MGAT3: variants seen among roughly 807,000 people sequenced by gnomAD.
MGAT3 encodes the protein GlcNAc-T III.
MGAT3 carries 9 observed loss-of-function variants against 29.8 expected under a neutral mutation model. The observed-to-expected ratio is 0.30, with a 90% CI of 0.18 to 0.53. MGAT3 has a LOEUF of 0.53. MGAT3 is among the 20% of genes least tolerant of loss of function. The pLI is 0.96. For synonymous variants in MGAT3, 397 were observed against 348.9 expected, an observed-to-expected ratio of 1.14 and a Z score of -1.54; for missense variants, 557 against 769.5, an observed-to-expected ratio of 0.72 and a Z score of 3.27.
At chr22:39,464,160 C>T (rs1255117940) in intron 1 of MGAT3, among the ~76,000 whole-genome samples, 1 of 152,236 alleles carries the variant, frequency 6.6e-6, no homozygotes, top group East Asian at 1.9e-4. Context: ...CACTTGCTGC[C>T]TCTGCCTCTT....
chr22:39,468,843 A>G (rs1928728446), intron 1 of MGAT3, among the ~76,000 whole-genome samples: 1 of 151,910 alleles, frequency 6.6e-6, no homozygotes, highest in South Asian at 2.1e-4. Flanking sequence ...GGAGGCCTGG[A>G]GAAGTGCAGC....
intron 1 of MGAT3, among the ~76,000 whole-genome samples, chr22:39,485,610 G>T (rs749636596): frequency 6.6e-6 from 1 of 152,154 alleles, no homozygotes; most frequent in Non-Finnish European, 1.5e-5. Flanking sequence ...AGCCAACATG[G>T]CGAAACCCCA....
chr22:39,476,618 C>G (rs934933537), intron 1 of MGAT3: 1 of 152,116 alleles, frequency 6.6e-6, no homozygotes, highest in Non-Finnish European at 1.5e-5. Context: ...CCAGGCCCTC[C>G]CTCGCCCAGG....
At chr22:39,486,050 C>T (rs764985061) in intron 1 of MGAT3, 1 of 327,770 alleles carries the variant, frequency 3.1e-6, no homozygotes, top group East Asian at 1.0e-4. Context: ...AGGAAAACAA[C>T]TTGGTTAGAC....
intron 1 of MGAT3, among the ~76,000 whole-genome samples, chr22:39,466,925 G>A (rs191340981): frequency 5.9e-5 from 9 of 152,222 alleles, no homozygotes; most frequent in East Asian, 1.9e-4. Flanking sequence ...CTTTGTGCCC[G>A]GTACAGAGCA....
At chr22:39,474,748 T>C (rs1601723736) in intron 1 of MGAT3, among the ~76,000 whole-genome samples, 1 of 152,238 alleles carries the variant, frequency 6.6e-6, no homozygotes, top group Non-Finnish European at 1.5e-5. Flanking sequence ...TCACTGAATA[T>C]TTGCTCTGGG....
chr22:39,465,738 C>T (rs1199229982), intron 1 of MGAT3, among the ~76,000 whole-genome samples: 1 of 151,980 alleles, frequency 6.6e-6, no homozygotes, highest in Non-Finnish European at 1.5e-5. Context: ...TCAAGACCAG[C>T]CTGGTTAACA....
At chr22:39,479,148 G>T (rs917993818) in intron 1 of MGAT3, among the ~76,000 whole-genome samples, 2 of 152,208 alleles carry the variant, frequency 1.3e-5, no homozygotes, top group African/African-American at 4.8e-5. Flanking sequence ...GACCAGCTTG[G>T]CAATGTAGGG....
At position 39,491,791 on chromosome 22, in the gene MGAT3, A is replaced by C. The variant is rs1929460104; in HGVS notation, c.*2842A>C. 2 of 167,110 alleles carry C rather than the reference A, an allele frequency of 1.2e-5. No homozygotes were observed. Among genetic ancestry groups the C allele is most frequent in the African/African-American group, 4.8e-5 (2 of 41,432 alleles). 10.4% of individuals were successfully genotyped at this position (167,110 alleles called of 1,614,324 possible). ...AAGGGAAACCAAGCTGAATGTGACC[A>C]CCGGCACACTGCTGCCATGTCCCAT... On this transcript the variant is annotated 3_prime_UTR_variant, in exon 2 of 2. Transcript: ENST00000341184. This position sits in a 1 kb window ranked among gnomAD's most constrained non-coding sequence, Gnocchi z 5.5.
At chr22:39,470,029 G>A (rs997753525) in intron 1 of MGAT3, among the ~76,000 whole-genome samples, 3 of 152,248 alleles carry the variant, frequency 2.0e-5, no homozygotes, top group African/African-American at 4.8e-5. Context: ...TCTTTGGACT[G>A]TTCCATGTCA....
Position 39,488,888 on chromosome 22 carries a change from G to A in MGAT3, c.1541G>A (p.Arg514His), listed in dbSNP as rs1376292335. Reference sequence around the variant, plus strand: ...AGGAGCACGGCGGCGGGCGGGTGGCGCCACAGGGGTCCCGAGGGAAGGCCG... The same window carrying A: ...AGGAGCACGGCGGCGGGCGGGTGGCACCACAGGGGTCCCGAGGGAAGGCCG... ...EPRSTAAGGW[R>H]HRGPEGRPPA... Residue 514 changes from arginine (R) to histidine (H), a missense_variant, in exon 2 of 2, where the codon CGC (arginine) becomes CAC (histidine). By Grantham distance (29) the Arg-to-His change is conservative (BLOSUM62 0). Transcript: ENST00000341184. 2 of 1,599,010 alleles carry A rather than the reference G, an allele frequency of 1.3e-6. No homozygotes were observed. The highest frequency in any genetic ancestry group is 1.7e-6 in the Non-Finnish European group (2 of 1,173,588).
Position 39,489,065 on chromosome 22 carries a change from G to T in MGAT3, c.*116G>T. The T allele has an allele frequency of 8.9e-7, 1 of 1,119,790 alleles. No homozygotes were observed. The highest frequency in any genetic ancestry group is 1.2e-6 in the Non-Finnish European group (1 of 809,932). 69.4% of individuals were successfully genotyped at this position (1,119,790 alleles called of 1,614,324 possible). A position where few individuals can be genotyped will look rare whatever the true frequency, so the allele number is the denominator to read the frequency against. On this transcript the variant is annotated 3_prime_UTR_variant, in exon 2 of 2. Coordinates refer to ENST00000341184, the MANE Select transcript of MGAT3 (RefSeq NM_002409.5). The stretch of plus-strand genomic sequence containing the variant: ...TGAGGGGACCAGGAGTGGGTGGGGA[G>T]TGGGGGTGGGGGTAGGGTTTCCCTA...
chr22:39,487,769 A>G lies in MGAT3; in HGVS notation c.422A>G (p.Asn141Ser). ...CCGGAGGAGAAGCCTGAGGGGGCCA[A>G]CGGCTCCTCGGCCCGGCGGCCACCC... is the stretch of plus-strand genomic sequence containing the variant. ...GRPEEKPEGA[N>S]GSSARRPPRY... The change falls in exon 2 of 2, where the codon AAC (asparagine) becomes AGC (serine). Residue 141 changes from asparagine to serine, a missense_variant. Physicochemically the swap from Asn to Ser is conservative, Grantham distance 46. Around this residue, in one of 3 missense-constraint regions of MGAT3, gnomAD observed 212 missense variants for 228.5 expected, o/e 0.93. Transcript: ENST00000341184. This position sits in a 1 kb window ranked among gnomAD's most constrained non-coding sequence, Gnocchi z 5.7. The G allele has an allele frequency of 6.6e-7, 1 of 1,504,586 alleles. No homozygotes were observed. The highest frequency in any genetic ancestry group is 1.3e-5 in the South Asian group (1 of 75,814). 93.2% of individuals were successfully genotyped at this position (1,504,586 alleles called of 1,614,324 possible).
intron 1 of MGAT3, among the ~76,000 whole-genome samples, chr22:39,484,808 G>C (rs932591464): frequency 6.6e-6 from 1 of 151,850 alleles, no homozygotes; most frequent in Non-Finnish European, 1.5e-5. Context: ...TTCAAGGCCA[G>C]CCTGGCCAAC....
intron 1 of MGAT3, among the ~76,000 whole-genome samples, chr22:39,482,637 TA>T (rs921843527): frequency 6.6e-6 from 1 of 152,124 alleles, no homozygotes; most frequent in African/African-American, 2.4e-5. Flanking sequence ...GCTGTCTCAA[TA>T]AAAAAATGAA....
chr22:39,471,342 C>T (rs1032197061), intron 1 of MGAT3, among the ~76,000 whole-genome samples: 15 of 152,142 alleles, frequency 9.9e-5, no homozygotes, highest in African/African-American at 2.4e-4. Flanking sequence ...CAGTGGGTCC[C>T]GTAAGCACGG....
At chr22:39,470,667 C>T (rs954705448) in intron 1 of MGAT3, among the ~76,000 whole-genome samples, 11 of 152,100 alleles carry the variant, frequency 7.2e-5, no homozygotes, top group Non-Finnish European at 1.5e-5. Flanking sequence ...TTTGGGGGAA[C>T]GGGGCCTGCA....
At chr22:39,482,993 T>C (rs34943118) in intron 1 of MGAT3, among the ~76,000 whole-genome samples, 36,586 of 152,220 alleles carry the variant, frequency 0.24, 4,446 homozygotes, top group Middle Eastern at 0.45. Flanking sequence ...CAATCTGACC[T>C]CAGCAGGTCC....
chr22:39,487,396 C>G lies in MGAT3; in HGVS notation c.49C>G (p.Leu17Val). The change falls in exon 2 of 2, where the codon CTG becomes GTG. Residue 17 changes from leucine to valine, a missense_variant. This residue lies in a region of MGAT3 where 212 missense variants were observed against 228.5 expected (regional missense o/e 0.93). Transcript: ENST00000341184. The surrounding 1 kb of genome is among the most constrained non-coding windows in gnomAD (Gnocchi z 5.7). ...KLFLMFCMAGLCLISFLHFFK... is the reference protein window; with the variant it reads ...KLFLMFCMAGVCLISFLHFFK... The stretch of plus-strand genomic sequence containing the variant: ...CTTTCTCATGTTCTGTATGGCCGGC[C>G]TGTGCCTCATCTCCTTCCTGCACTT... The G allele has an allele frequency of 1.9e-6, 3 of 1,613,750 alleles. No homozygotes were observed. The highest frequency in any genetic ancestry group is 2.5e-6 in the Non-Finnish European group (3 of 1,179,978).
Sources: gnomAD v4.1 joint callset for allele counts (sites outside exome capture counted in the v4.1 genomes callset) on GRCh38, gnomAD v4.1.1 for gene constraint, gnomAD v4.1.1 regional missense constraint, Gnocchi (gnomAD v3.1) non-coding constraint, MANE v1.5 for transcripts, NCBI Gene and HGNC (gene_info 2026-07-23, HGNC 2026-07-21) for gene names.